The following PTPN5 variants were observed in gnomAD, a reference collection of about 807,000 sequenced individuals.
PTPN5 encodes tyrosine-protein phosphatase non-receptor type 5.
A neutral mutation model predicts 73.9 loss-of-function variants in PTPN5; 29 were observed. The ratio of observed to expected loss-of-function variants is 0.39; its 90% CI spans 0.29 to 0.54. The LOEUF (loss-of-function observed/expected upper bound fraction) is 0.54. Ranked by LOEUF, PTPN5 falls within the 20% of genes least tolerant of loss-of-function variation. The pLI, the probability that PTPN5 is intolerant of heterozygous loss-of-function variation, is 0.65. For missense variants in PTPN5, 652 were observed against 751.4 expected, an observed-to-expected ratio of 0.87 and a Z score of 1.55; for synonymous variants, 267 against 304.7, an observed-to-expected ratio of 0.88 and a Z score of 1.29.
chr11:18,786,161 C>T (rs1249581603), intron 1 of PTPN5, among the ~76,000 whole-genome samples: 1 of 151,876 alleles, frequency 6.6e-6, no homozygotes, highest in Non-Finnish European at 1.5e-5. Flanking sequence ...TCACCAGATG[C>T]AGAAAAGATG....
intron 9 of PTPN5, among the ~76,000 whole-genome samples, chr11:18,734,034 C>A (rs1836641453): frequency 6.6e-6 from 1 of 152,186 alleles, no homozygotes; most frequent in African/African-American, 2.4e-5. Flanking sequence ...GCTGTGTAGG[C>A]TTGTAAAACA....
intron 1 of PTPN5, among the ~76,000 whole-genome samples, chr11:18,773,530 C>T (rs957639607): frequency 6.6e-6 from 1 of 152,034 alleles, no homozygotes; most frequent in Non-Finnish European, 1.5e-5. Flanking sequence ...TTCAGTGGGG[C>T]TGGGGTATCT....
intron 1 of PTPN5, among the ~76,000 whole-genome samples, chr11:18,774,177 C>G (rs1269244529): frequency 6.6e-6 from 1 of 152,236 alleles, no homozygotes; most frequent in Non-Finnish European, 1.5e-5. Context: ...ATGACAACAC[C>G]TTCCACACAG....
At chr11:18,765,431 C>T (rs1850599578) in intron 3 of PTPN5, among the ~76,000 whole-genome samples, 1 of 152,116 alleles carries the variant, frequency 6.6e-6, no homozygotes, top group African/African-American at 2.4e-5. Flanking sequence ...CCACCCCATC[C>T]TTGGCTCATG....
intron 3 of PTPN5, among the ~76,000 whole-genome samples, chr11:18,763,798 GATAA>G (rs1319354041): frequency 6.6e-6 from 1 of 152,192 alleles, no homozygotes; most frequent in Non-Finnish European, 1.5e-5. Context: ...CACTTGTGAG[GATAA>G]ATATTCATAT....
At position 18,742,618 on chromosome 11, in the gene PTPN5, T is replaced by G; in HGVS notation, c.484-115A>C. 5 of 1,460,832 alleles carry G rather than the reference T, an allele frequency of 3.4e-6. No homozygotes were observed. The highest frequency in any genetic ancestry group is 2.8e-5 in the African/African-American group (2 of 71,760). The allele number at this position is 1,460,832 out of a possible 1,614,324, so 90.5% of individuals were successfully genotyped here. A position where few individuals can be genotyped will look rare whatever the true frequency, so the allele number is the denominator to read the frequency against. ...TCCCTCAGTGTGTCTAGAGCAGCTC[T>G]GCTCTCCTGGGAGTTGTCCACAAGG... is the stretch of plus-strand genomic sequence containing the variant. On this transcript the variant is annotated intron_variant, in intron 6 of 14. Coordinates refer to ENST00000358540, the MANE Select transcript of PTPN5 (RefSeq NM_006906.2). This position sits in a 1 kb window ranked among gnomAD's most constrained non-coding sequence, Gnocchi z 4.1.
intron 1 of PTPN5, among the ~76,000 whole-genome samples, chr11:18,773,298 G>A (rs1026056576): frequency 1.3e-5 from 2 of 151,256 alleles, no homozygotes; most frequent in Non-Finnish European, 3.0e-5. Flanking sequence ...ACCTGGGGGC[G>A]GGTGTCTCTT....
intron 3 of PTPN5, among the ~76,000 whole-genome samples, chr11:18,748,287 C>A (rs1329185860): frequency 6.6e-6 from 1 of 152,090 alleles, no homozygotes; most frequent in Non-Finnish European, 1.5e-5. Flanking sequence ...AATGTGTGAT[C>A]ATTACTTTTG....
At chr11:18,792,208 A>G (rs948680509), upstream of PTPN5, 22 of 152,220 alleles carry the variant, frequency 1.4e-4, 1 homozygote, top group African/African-American at 5.3e-4. Context: ...AGACAGGCAG[A>G]CAGAAGGAGT....
intron 1 of PTPN5, among the ~76,000 whole-genome samples, chr11:18,783,427 T>C (rs149700167): frequency 5.9e-5 from 9 of 152,348 alleles, no homozygotes; most frequent in African/African-American, 2.2e-4. Flanking sequence ...ACCTGACCCC[T>C]GCCTTCGGAA....
intron 9 of PTPN5, among the ~76,000 whole-genome samples, chr11:18,735,616 G>A (rs1016395356): frequency 1.9e-4 from 29 of 152,056 alleles, no homozygotes; most frequent in African/African-American, 7.0e-4. Context: ...AGGAGTTGGA[G>A]AGCAGCCTGG....
chr11:18,757,992 G>A (rs1850229357), intron 3 of PTPN5, among the ~76,000 whole-genome samples: 1 of 152,180 alleles, frequency 6.6e-6, no homozygotes, highest in African/African-American at 2.4e-5. Context: ...CAAAAGAGCC[G>A]AAGATTTAAG....
chr11:18,741,401 G>A (rs140658795), intron 7 of PTPN5, among the ~76,000 whole-genome samples: 2,009 of 152,236 alleles, frequency 0.013, 15 homozygotes, highest in Middle Eastern at 0.02. Context: ...GACAGGATGG[G>A]GCTTCATTAC....
intron 3 of PTPN5, among the ~76,000 whole-genome samples, chr11:18,753,195 G>A (rs1849972481): frequency 6.6e-6 from 1 of 152,310 alleles, no homozygotes; most frequent in Non-Finnish European, 1.5e-5. Context: ...CAGGACAGCA[G>A]GGCAAATCCC....
intron 8 of PTPN5, among the ~76,000 whole-genome samples, chr11:18,739,383 C>G (rs1285161061): frequency 2.6e-5 from 4 of 152,120 alleles, no homozygotes; most frequent in African/African-American, 9.7e-5. Context: ...CTAGAGGCAT[C>G]TGGAGTGAGT....
intron 1 of PTPN5, among the ~76,000 whole-genome samples, chr11:18,784,436 G>C (rs1054520785): frequency 2.6e-5 from 4 of 152,142 alleles, no homozygotes; most frequent in Non-Finnish European, 5.9e-5. Context: ...GAGGCACCTA[G>C]AATAGGTGAA....
At chr11:18,769,684 G>A (rs371179073) in intron 2 of PTPN5, among the ~76,000 whole-genome samples, 2 of 152,216 alleles carry the variant, frequency 1.3e-5, no homozygotes, top group Non-Finnish European at 2.9e-5. Flanking sequence ...GATTACAGGC[G>A]TGAGCCACCG....
intron 1 of PTPN5, among the ~76,000 whole-genome samples, chr11:18,786,567 C>G (rs1384898430): frequency 2.0e-5 from 3 of 152,214 alleles, no homozygotes; most frequent in Non-Finnish European, 4.4e-5. Flanking sequence ...GGTGATAACA[C>G]TGCTTAAAAG....
chr11:18,785,507 C>T (rs536879303), intron 1 of PTPN5, among the ~76,000 whole-genome samples: 3 of 152,252 alleles, frequency 2.0e-5, no homozygotes, highest in Non-Finnish European at 2.9e-5. Flanking sequence ...GTTCATCTTA[C>T]GTTTGTTCTC....
Sources: allele counts gnomAD v4.1 joint callset (sites outside exome capture counted in the v4.1 genomes callset), GRCh38; gene constraint gnomAD v4.1.1; non-coding constraint Gnocchi (gnomAD v3.1); transcripts MANE v1.5; gene names NCBI Gene and HGNC (gene_info 2026-07-23, HGNC 2026-07-21).